NRXN3: variants seen among roughly 807,000 people sequenced by gnomAD.
NRXN3 encodes the protein neurexin 3.
In NRXN3, 32 loss-of-function variants were observed where a neutral mutation model predicts 137.6. That is an observed-to-expected ratio of 0.23 (90% confidence interval 0.18 to 0.31). The LOEUF is 0.31. Among genes scored for constraint, NRXN3 ranks in the 10% least tolerant of loss-of-function variants. The pLI, the probability that NRXN3 is intolerant of heterozygous loss-of-function variation, is 1.00. For synonymous variants in NRXN3, 798 were observed against 784.5 expected, an observed-to-expected ratio of 1.02 and a Z score of -0.29; for missense variants, 1,574 against 2,062.5, an observed-to-expected ratio of 0.76 and a Z score of 4.59.
At chr14:78,996,887 A>G (rs1162119547) in intron 15 of NRXN3, among the ~76,000 whole-genome samples, 2 of 152,172 alleles carry the variant, frequency 1.3e-5, no homozygotes, top group Non-Finnish European at 2.9e-5. Context: ...AAGTCAGAAG[A>G]TAACAATGAA....
At chr14:79,620,087 G>A (rs539814062) in intron 16 of NRXN3, among the ~76,000 whole-genome samples, 12 of 152,086 alleles carry the variant, frequency 7.9e-5, no homozygotes, top group South Asian at 4.2e-4. Flanking sequence ...GCATTGGCTG[G>A]GTTTCAAAGA....
intron 8 of NRXN3, among the ~76,000 whole-genome samples, chr14:78,779,400 C>A (rs2098760388): frequency 6.6e-6 from 1 of 151,880 alleles, no homozygotes; most frequent in Admixed American, 6.6e-5. Context: ...CAAGAAACTA[C>A]AGCAAACATA....
chr14:78,986,285 C>T (rs577378197), intron 14 of NRXN3, among the ~76,000 whole-genome samples: 4 of 152,236 alleles, frequency 2.6e-5, no homozygotes, highest in Admixed American at 1.3e-4. Flanking sequence ...GGGCTCATCT[C>T]GTTTGCTGAG....
At chr14:79,586,248 A>G (rs1213473162) in intron 16 of NRXN3, among the ~76,000 whole-genome samples, 1 of 152,246 alleles carries the variant, frequency 6.6e-6, no homozygotes, top group African/African-American at 2.4e-5. Flanking sequence ...TAAAAGAATT[A>G]AGTAAAGCTC....
At chr14:78,420,192 G>A (rs542829728) in intron 4 of NRXN3, among the ~76,000 whole-genome samples, 3 of 152,262 alleles carry the variant, frequency 2.0e-5, no homozygotes, top group Non-Finnish European at 4.4e-5. Context: ...TGGTAGATTA[G>A]CTTGGTTAGA....
At chr14:79,286,159 C>T (rs1438490877) in intron 15 of NRXN3, among the ~76,000 whole-genome samples, 2 of 152,258 alleles carry the variant, frequency 1.3e-5, no homozygotes, top group South Asian at 4.1e-4. Flanking sequence ...ACTGCAGACA[C>T]ATGCTCTAAT....
intron 15 of NRXN3, among the ~76,000 whole-genome samples, chr14:79,443,379 G>A (rs2096001306): frequency 6.6e-6 from 1 of 152,036 alleles, no homozygotes; most frequent in South Asian, 2.1e-4. Context: ...ATTAGATCTG[G>A]TCCGTAGTGG....
intron 10 of NRXN3, among the ~76,000 whole-genome samples, chr14:78,824,771 C>T (rs1395062334): frequency 6.6e-6 from 1 of 151,890 alleles, no homozygotes; most frequent in Middle Eastern, 3.2e-3. Flanking sequence ...CCACAGTCAA[C>T]AATATTTCAT....
intron 16 of NRXN3, among the ~76,000 whole-genome samples, chr14:79,636,140 T>C (rs185332942): frequency 1.1e-3 from 174 of 152,340 alleles, no homozygotes; most frequent in African/African-American, 3.9e-3. Flanking sequence ...AATGACATTA[T>C]ATTCGTTTGA....
At chr14:78,877,294 G>T (rs1354319527) in intron 10 of NRXN3, among the ~76,000 whole-genome samples, 3 of 152,146 alleles carry the variant, frequency 2.0e-5, no homozygotes, top group Admixed American at 2.0e-4. Flanking sequence ...TAAACATCAT[G>T]TTGTTGAATG....
chr14:78,492,146 G>A (rs1468744), intron 4 of NRXN3, among the ~76,000 whole-genome samples: 151,631 of 152,286 alleles, frequency 1, 75,495 homozygotes, highest in Middle Eastern at 1. Flanking sequence ...CATACATTAT[G>A]GGTCTATCAC....
chr14:79,402,502 G>A (rs2095228672), intron 15 of NRXN3, among the ~76,000 whole-genome samples: 1 of 152,168 alleles, frequency 6.6e-6, no homozygotes, highest in Non-Finnish European at 1.5e-5. Context: ...AGTGGTTAGA[G>A]TTAATGGTTT....
chr14:78,713,437 T>C (rs576449891), intron 7 of NRXN3, among the ~76,000 whole-genome samples: 50 of 152,328 alleles, frequency 3.3e-4, no homozygotes, highest in African/African-American at 1.2e-3. Context: ...GCTTCACTTT[T>C]ACCTGCCTAG....
At chr14:79,386,771 A>C (rs1421471396) in intron 15 of NRXN3, among the ~76,000 whole-genome samples, 1 of 152,194 alleles carries the variant, frequency 6.6e-6, no homozygotes, top group Non-Finnish European at 1.5e-5. Flanking sequence ...TCAATGGAAC[A>C]GAACAGAGCC....
intron 15 of NRXN3, among the ~76,000 whole-genome samples, chr14:79,366,820 G>A (rs1010708954): frequency 4.6e-5 from 7 of 152,104 alleles, no homozygotes; most frequent in Admixed American, 3.3e-4. Context: ...TAGCATTCTC[G>A]AACAGAGATT....
chr14:78,721,957 G>A (rs953175355), intron 8 of NRXN3, among the ~76,000 whole-genome samples: 2 of 150,670 alleles, frequency 1.3e-5, no homozygotes, highest in African/African-American at 2.4e-5. Flanking sequence ...TTTAACTTCC[G>A]GTTCTGCAAG....
chr14:79,409,210 T>G (rs2095368882), intron 15 of NRXN3, among the ~76,000 whole-genome samples: 1 of 151,930 alleles, frequency 6.6e-6, no homozygotes, highest in South Asian at 2.1e-4. Context: ...TAACAGGAGC[T>G]CAGGGTAGCA....
At chr14:78,576,322 T>A (rs2096935495) in intron 4 of NRXN3, among the ~76,000 whole-genome samples, 1 of 152,186 alleles carries the variant, frequency 6.6e-6, no homozygotes, top group Non-Finnish European at 1.5e-5. Flanking sequence ...TCACCTTTCA[T>A]GAACAACACC....
chr14:78,944,167 G>T (rs1347309942), intron 10 of NRXN3, among the ~76,000 whole-genome samples: 1 of 152,106 alleles, frequency 6.6e-6, no homozygotes, highest in Non-Finnish European at 1.5e-5. Context: ...TTTTCTTCTG[G>T]TATGCAGACC....
Sources: gnomAD v4.1 joint callset for allele counts (sites outside exome capture counted in the v4.1 genomes callset) on GRCh38, gnomAD v4.1.1 for gene constraint, MANE v1.5 for transcripts, NCBI Gene and HGNC (gene_info 2026-07-23, HGNC 2026-07-21) for gene names.